The following ZNF536 variants were observed in gnomAD, a reference collection of about 807,000 sequenced individuals.
The protein encoded by ZNF536 is zinc finger protein 536.
ZNF536 carries 13 observed loss-of-function variants against 84.5 expected under a neutral mutation model. The ratio of observed to expected loss-of-function variants is 0.15; its 90% CI spans 0.10 to 0.24. The LOEUF is 0.24. Ranked by LOEUF, ZNF536 falls within the 10% of genes least tolerant of loss-of-function variation. ZNF536 has a pLI of 1.00. For synonymous variants in ZNF536, 811 were observed against 742.5 expected, an observed-to-expected ratio of 1.09 and a Z score of -1.50; for missense variants, 1,536 against 1,747.5, an observed-to-expected ratio of 0.88 and a Z score of 2.16.
intron 2 of ZNF536, among the ~76,000 whole-genome samples, chr19:30,475,367 G>A (rs1348142278): frequency 6.6e-6 from 1 of 152,146 alleles, no homozygotes; most frequent in Non-Finnish European, 1.5e-5. Flanking sequence ...ACTTTGAAAA[G>A]CTGAGAGGGA....
chr19:30,580,416 G>A (rs746695250), intron 1 of ZNF536, among the ~76,000 whole-genome samples: 1 of 152,232 alleles, frequency 6.6e-6, no homozygotes, highest in African/African-American at 2.4e-5. Context: ...ACCCTAGTAG[G>A]TGTGGGTGTA....
intron 2 of ZNF536, among the ~76,000 whole-genome samples, chr19:30,503,485 G>T (rs1043146597): frequency 6.6e-6 from 1 of 152,254 alleles, no homozygotes; most frequent in Non-Finnish European, 1.5e-5. Flanking sequence ...ATTGTTGAAT[G>T]AAAGAAGTGG....
At chr19:30,298,758 C>A (rs978052411) in intron 2 of ZNF536, among the ~76,000 whole-genome samples, 3 of 152,204 alleles carry the variant, frequency 2.0e-5, no homozygotes, top group African/African-American at 7.2e-5. Context: ...TTTGGCAATG[C>A]CAGTGGGCCT....
chr19:30,321,039 G>A (rs1029629419), intron 2 of ZNF536, among the ~76,000 whole-genome samples: 11 of 152,128 alleles, frequency 7.2e-5, no homozygotes, highest in Non-Finnish European at 1.2e-4. Flanking sequence ...CACCATCTCC[G>A]TCCCTTGGGC....
At chr19:30,645,672 A>G (rs1290165824) in intron 1 of ZNF536, among the ~76,000 whole-genome samples, 1 of 152,214 alleles carries the variant, frequency 6.6e-6, no homozygotes, top group Admixed American at 6.5e-5. Flanking sequence ...ATCTGTGTCT[A>G]TATCCATATC....
chr19:30,678,732 AG>A (rs995479522), intron 1 of ZNF536, among the ~76,000 whole-genome samples: 7 of 109,870 alleles, frequency 6.4e-5, no homozygotes, highest in African/African-American at 2.2e-4. Flanking sequence ...CCCACCCCCA[AG>A]CCCCCCCACA....
chr19:30,671,129 C>T (rs79197273), intron 1 of ZNF536, among the ~76,000 whole-genome samples: 2,571 of 152,370 alleles, frequency 0.017, 29 homozygotes, highest in Middle Eastern at 0.041. Flanking sequence ...CATCATTATC[C>T]TATCTGCCAG....
At chr19:30,252,060 A>G (rs951235944) in intron 1 of ZNF536, among the ~76,000 whole-genome samples, 1 of 152,218 alleles carries the variant, frequency 6.6e-6, no homozygotes, top group African/African-American at 2.4e-5. Context: ...CAAAGGACTA[A>G]TATCCAGAAT....
At chr19:30,652,475 G>T (rs924745723) in intron 1 of ZNF536, among the ~76,000 whole-genome samples, 5 of 152,118 alleles carry the variant, frequency 3.3e-5, no homozygotes, top group African/African-American at 1.2e-4. Flanking sequence ...TGTAATTATC[G>T]ATAGATGTGT....
In ZNF536 at chr19:30,362,779, G is replaced by C. The variant is rs1256518527; in HGVS notation, c.-3+10295G>C. On this transcript the variant is annotated intron_variant, in intron 3 of 5. Coordinates refer to the ZNF536 transcript ENST00000585628. Reference sequence around the variant, plus strand: ...TTGGTTCTTGTTTATGAGTGTGAGAGGCCAGGGGCAGTGGCTCACTCCTAT... The same window carrying C: ...TTGGTTCTTGTTTATGAGTGTGAGACGCCAGGGGCAGTGGCTCACTCCTAT... 1.3e-5 allele frequency among the ~76,000 whole-genome samples: 2 copies of C among 152,166 alleles called. 1 individual carries two copies. The highest frequency in any genetic ancestry group is 4.2e-4 in the South Asian group (2 of 4,802).
chr19:30,245,645 T>C (rs1026645464), intron 1 of ZNF536, among the ~76,000 whole-genome samples: 1 of 152,214 alleles, frequency 6.6e-6, no homozygotes, highest in Non-Finnish European at 1.5e-5. Flanking sequence ...GTGATGGAAG[T>C]GCAGAAAGAA....
intron 1 of ZNF536, among the ~76,000 whole-genome samples, chr19:30,592,485 C>G (rs1326115837): frequency 6.6e-6 from 1 of 152,060 alleles, no homozygotes; most frequent in African/African-American, 2.4e-5. Flanking sequence ...TGCTCTAAAC[C>G]CCATCTCTGA....
chr19:30,435,402 G>T (rs1004754888), intron 1 of ZNF536, among the ~76,000 whole-genome samples: 6 of 150,696 alleles, frequency 4.0e-5, no homozygotes, highest in Non-Finnish European at 7.4e-5. Context: ...TGATGATGCT[G>T]TTGATGGTGA....
chr19:30,323,165 G>A (rs961773315), intron 2 of ZNF536, among the ~76,000 whole-genome samples: 13 of 152,214 alleles, frequency 8.5e-5, no homozygotes, highest in Admixed American at 2.0e-4. Flanking sequence ...TCCCACCTGG[G>A]CTGGGCTTTG....
rs71173904 is a variant in ZNF536 at position 30,417,148 on chromosome 19, ATTT to A, written c.-2-26387_-2-26385del. On this transcript the variant is annotated intron_variant, in intron 1 of 4. Transcript: ENST00000355537. The stretch of plus-strand genomic sequence containing the variant: ...GCCACCACGCCAGGCTAATTTTTGT[ATTT>A]TTTTTTTTTTTTTTTTTTTTTTTTT... 8.9e-3 allele frequency among the ~76,000 whole-genome samples: 890 copies of A among 100,168 alleles called. 12 individuals carry two copies. Among genetic ancestry groups the A allele is most frequent in the African/African-American group, 0.035 (840 of 24,328 alleles). The allele number at this position is 100,168 out of a possible 152,430, so 65.7% of individuals were successfully genotyped here.
chr19:30,295,514 T>C (rs913888026), intron 2 of ZNF536, among the ~76,000 whole-genome samples: 2 of 152,170 alleles, frequency 1.3e-5, no homozygotes, highest in African/African-American at 2.4e-5. Flanking sequence ...GAATTTGAAT[T>C]TCTAACAAAT....
chr19:30,630,475 T>C (rs1013725062), intron 1 of ZNF536, among the ~76,000 whole-genome samples: 1 of 152,284 alleles, frequency 6.6e-6, no homozygotes, highest in Admixed American at 6.5e-5. Flanking sequence ...TGCATGGCTG[T>C]GTGTGCCTGG....
At chr19:30,410,772 C>T (rs1455550695) in intron 1 of ZNF536, among the ~76,000 whole-genome samples, 1 of 151,958 alleles carries the variant, frequency 6.6e-6, no homozygotes, top group African/African-American at 2.4e-5. Flanking sequence ...GCCACCGCGC[C>T]CGGCCAAGTG....
chr19:30,610,236 G>C (rs2048056701), intron 1 of ZNF536, among the ~76,000 whole-genome samples: 1 of 152,172 alleles, frequency 6.6e-6, no homozygotes, highest in Admixed American at 6.5e-5. Context: ...AGTTTCCTTA[G>C]ATCTAAAACA....
Sources: allele counts gnomAD v4.1 joint callset (sites outside exome capture counted in the v4.1 genomes callset), GRCh38; gene constraint gnomAD v4.1.1; transcripts MANE v1.5; gene names NCBI Gene and HGNC (gene_info 2026-07-23, HGNC 2026-07-21).